Variants in NUP188 observed in about 807,000 individuals in gnomAD.
NUP188 encodes the protein nucleoporin NUP188.
In NUP188, 97 loss-of-function variants were observed where a neutral mutation model predicts 223.0. That is an observed-to-expected ratio of 0.43 (90% CI 0.37 to 0.51). The LOEUF (loss-of-function observed/expected upper bound fraction) is 0.51. Among genes scored for constraint, NUP188 ranks in the 20% least tolerant of loss-of-function variants. The pLI is 0.00. For synonymous variants in NUP188, 869 were observed against 828.0 expected (o/e 1.05, Z -0.85); for missense variants, 1,947 against 2,175.6 (o/e 0.89, Z 2.09).
intron 28 of NUP188, 52 bp downstream of exon 28, chr9:128,994,494 G>C (rs781518468): frequency 7.9e-7 from 1 of 1,257,932 alleles, no homozygotes; most frequent in East Asian, 2.3e-5. Flanking sequence ...TGGAGGAAAG[G>C]CTGTGGGCTG....
chr9:128,956,199 G>GTA, intron 3 of NUP188, 151 bp from the exon 4 acceptor site: 1 of 459,338 alleles, frequency 2.2e-6, no homozygotes, highest in South Asian at 3.6e-5. Context: ...GTGTGTGTGT[G>GTA]TGTGTGTGTG....
chr9:128,994,872 C>A lies in NUP188; in HGVS notation c.3104C>A (p.Thr1035Asn), dbSNP rs1842493385. The change falls in exon 29 of 44, where the codon ACC becomes AAC. Residue 1035 changes from threonine to asparagine, a missense_variant. This residue lies in a region of NUP188 where 905 missense variants were observed against 990.6 expected (regional missense o/e 0.91). Transcript: ENST00000372577. ...TCTCCACAGCCCAGCATCCTGGAAA[C>A]CTGTGCCCTAATCATGAAGATAATT... ...SETSEPSILETCALIMKIICL... is the reference protein window; with the variant it reads ...SETSEPSILENCALIMKIICL... 2 of 1,613,650 alleles carry A rather than the reference C, an allele frequency of 1.2e-6. No homozygotes were observed. The highest frequency in any genetic ancestry group is 1.7e-6 in the Non-Finnish European group (2 of 1,179,696).
chr9:128,984,124 A>ATTTTTTTTCTTTTTTTTTTTTT (rs1842296593), intron 19 of NUP188, among the ~76,000 whole-genome samples: 1 of 93,070 alleles, frequency 1.1e-5, no homozygotes, highest in Non-Finnish European at 2.0e-5. Context: ...GCCTGGCCTG[A>ATTTTTTTTCTTTTTTTTTTTTT]TTTTTTTTTT....
Position 128,969,382 on chromosome 9 carries a change from T to C in NUP188, c.798-18T>C, listed in dbSNP as rs1413237456. 2.1e-6 allele frequency: 3 copies of C among 1,444,792 alleles called. No individual in the cohort carries two copies. Among genetic ancestry groups the C allele is most frequent in the Admixed American group, 3.4e-5 (2 of 59,370 alleles). 89.5% of individuals were successfully genotyped at this position (1,444,792 alleles called of 1,614,324 possible). A position where few individuals can be genotyped will look rare whatever the true frequency, so the allele number is the denominator to read the frequency against. On this transcript the variant is annotated intron_variant, in intron 9 of 43. Transcript: ENST00000372577. ...CAGAACGGGATATATAACATGGTGA[T>C]ACTATTTTTCTTTCTAGCTACTTCA...
chr9:128,982,539 T>C lies in NUP188; in HGVS notation c.1517-10T>C, dbSNP rs1564559303. ...CTCAGATATTAGACTAATTTATCTT[T>C]CTCTCTCAGGGGGTCAAACCAACCT... On this transcript the variant is annotated splice_polypyrimidine_tract_variant and intron_variant, in intron 15 of 43. Coordinates refer to ENST00000372577, the MANE Select transcript of NUP188 (RefSeq NM_015354.3). 1 of 1,601,394 alleles carries C rather than the reference T, an allele frequency of 6.2e-7. No homozygotes were observed. Among genetic ancestry groups the C allele is most frequent in the Non-Finnish European group, 8.5e-7 (1 of 1,175,530 alleles).
Position 128,957,013 on chromosome 9 carries a change from G to T in NUP188, c.308G>T (p.Gly103Val). Residue 103 changes from glycine to valine, a missense_variant, in exon 5 of 44, where the codon GGT becomes GTT. Around this residue, in one of 3 missense-constraint regions of NUP188, gnomAD observed 817 missense variants for 865.8 expected, o/e 0.94. Transcript: ENST00000372577. ...LQCYLQEDYR[G>V]TRDSVKTVLQ... is the part of the protein sequence containing the mutation. ...TGTTACCTGCAAGAGGACTACAGGG[G>T]TACTCGGGACTCAGTAAAGGTTTGT... 6.2e-7 allele frequency: 1 copy of T among 1,611,530 alleles called. No individual in the cohort carries two copies. The highest frequency in any genetic ancestry group is 8.5e-7 in the Non-Finnish European group (1 of 1,178,226).
chr9:129,006,644 T>TG lies in NUP188; in HGVS notation c.5218dup (p.Val1740GlyfsTer38). The TG allele has an allele frequency of 6.2e-7, 1 of 1,614,088 alleles. No homozygotes were observed. The highest frequency in any genetic ancestry group is 8.5e-7 in the Non-Finnish European group (1 of 1,180,026). On this transcript the variant is annotated frameshift_variant, in exon 44 of 44. Coordinates refer to ENST00000372577, the MANE Select transcript of NUP188 (RefSeq NM_015354.3). LOFTEE classifies it high-confidence loss of function. ...GAGAGTCAGGAGCCTCTGATCCAGT[T>TG]GGTGCAGGCGTTTGTCCGGCATATG... is the stretch of plus-strand genomic sequence containing the variant.
At chr9:128,973,333 A>G (rs965287174) in intron 12 of NUP188, 84 bp downstream of exon 12, 2 of 849,642 alleles carry the variant, frequency 2.4e-6, no homozygotes, top group Non-Finnish European at 3.8e-6. Flanking sequence ...TGGATCTGAT[A>G]TTATTTACCT....
chr9:129,003,019 A>T, intron 37 of NUP188, 44 bp downstream of exon 37: 2 of 1,604,802 alleles, frequency 1.2e-6, no homozygotes, highest in Non-Finnish European at 1.7e-6. Flanking sequence ...TTCAGGGTAA[A>T]AAAGGTACTG....
chr9:129,003,494 C>A, intron 38 of NUP188, 40 bp downstream of exon 38: 1 of 1,600,906 alleles, frequency 6.2e-7, no homozygotes, highest in Non-Finnish European at 8.5e-7. Context: ...TGGGGTAATG[C>A]TTGGAGACAG....
At position 128,956,905 on chromosome 9, in the gene NUP188, G is replaced by C. The variant is rs781180932; in HGVS notation, c.247-47G>C. The C allele has an allele frequency of 3.9e-6, 5 of 1,298,512 alleles. No individual in the cohort carries two copies. The East Asian group carries it at 1.2e-4, about 30-fold the overall frequency. 80.4% of individuals were successfully genotyped at this position (1,298,512 alleles called of 1,614,324 possible). On this transcript the variant is annotated intron_variant, in intron 4 of 43. Coordinates refer to ENST00000372577, the MANE Select transcript of NUP188 (RefSeq NM_015354.3). ...CAAATCTTTAAATTCTCTGCATCCT[G>C]TGTGCGATTTCTGAGCTGTTCCTTA...
At chr9:129,005,620 G>A (rs1564569971) in intron 40 of NUP188, 25 bp from the exon 41 acceptor site, 3 of 1,612,368 alleles carry the variant, frequency 1.9e-6, no homozygotes, top group South Asian at 1.1e-5. Context: ...ATTGGGTCCT[G>A]GATGGCTCTT....
At chr9:128,984,317 T>C (rs1842301230) in intron 19 of NUP188, among the ~76,000 whole-genome samples, 4 of 151,642 alleles carry the variant, frequency 2.6e-5, no homozygotes, top group Admixed American at 2.6e-4. Context: ...GTAGAGATAG[T>C]GTTTCACCGT....
intron 13 of NUP188, among the ~76,000 whole-genome samples, chr9:128,979,644 G>GT (rs1164488828): frequency 1.3e-5 from 2 of 150,998 alleles, no homozygotes; most frequent in Non-Finnish European, 3.0e-5. Flanking sequence ...GTTTTGTCTT[G>GT]TTTTTTGAGA....
In NUP188 at chr9:128,979,318, C is replaced by A; in HGVS notation, c.1260C>A (p.Phe420Leu). The A allele has an allele frequency of 6.2e-7, 1 of 1,610,452 alleles. No individual in the cohort carries two copies. Among genetic ancestry groups the A allele is most frequent in the South Asian group, 1.1e-5 (1 of 90,904 alleles). Residue 420 changes from phenylalanine to leucine, a missense_variant, in exon 13 of 44, where the codon TTC (phenylalanine) becomes TTA (leucine). Phe to Leu is a conservative substitution (Grantham distance 22). Coordinates refer to ENST00000372577, the MANE Select transcript of NUP188 (RefSeq NM_015354.3). ...VLADPSLPEL[F>L]WGTEPTSGLG... ...CCGACCCTTCTCTTCCGGAACTGTT[C>A]TGGGGAACAGTAAGTATGTCAGAGA... is the stretch of plus-strand genomic sequence containing the variant.
chr9:129,002,076 A>G, intron 36 of NUP188, 100 bp downstream of exon 36: 4 of 915,478 alleles, frequency 4.4e-6, no homozygotes, highest in South Asian at 2.8e-5. Context: ...GCTTTCCTCT[A>G]AATTGCCTAA....
At chr9:128,949,457 C>T (rs1050315910) in intron 2 of NUP188, among the ~76,000 whole-genome samples, 3 of 151,770 alleles carry the variant, frequency 2.0e-5, no homozygotes, top group Non-Finnish European at 4.4e-5. Context: ...CTCAGCTTCT[C>T]GAGTAGCTGG....
Position 129,005,351 on chromosome 9 carries a change from A to G in NUP188, c.4558A>G (p.Arg1520Gly), listed in dbSNP as rs1264342687. 1 of 1,613,890 alleles carries G rather than the reference A, an allele frequency of 6.2e-7. No homozygotes were observed. The highest frequency in any genetic ancestry group is 8.5e-7 in the Non-Finnish European group (1 of 1,180,046). The change falls in exon 40 of 44, where the codon AGG becomes GGG. Residue 1520 changes from arginine (R) to glycine (G), a missense_variant. By Grantham distance (125) the Arg-to-Gly change is moderately radical. Coordinates refer to ENST00000372577, the MANE Select transcript of NUP188 (RefSeq NM_015354.3). The stretch of plus-strand genomic sequence containing the variant: ...CTCAGCTGTTGCCCAGCGAGTCCAG[A>G]GGCCACCGTCTGCTGCTTCTGCTGC... Reference protein sequence around the residue: ...LPSAVAQRVQRPPSAASAAPS... With the variant: ...LPSAVAQRVQGPPSAASAAPS...
chr9:128,978,634 G>A (rs1013987895), intron 12 of NUP188, among the ~76,000 whole-genome samples: 1 of 151,668 alleles, frequency 6.6e-6, no homozygotes, highest in Admixed American at 6.6e-5. Flanking sequence ...TCTAGTCTGG[G>A]TGATAGAGCA....
Sources: allele counts gnomAD v4.1 joint callset (sites outside exome capture counted in the v4.1 genomes callset), GRCh38; gene constraint gnomAD v4.1.1; regional missense constraint gnomAD v4.1.1; transcripts MANE v1.5; gene names NCBI Gene and HGNC (gene_info 2026-07-23, HGNC 2026-07-21).